The following DPYD variants were observed in gnomAD, a reference collection of about 807,000 sequenced individuals.
DPYD encodes the protein dihydropyrimidine dehydrogenase.
Under a neutral mutation model 116.2 loss-of-function variants are expected in DPYD, and 109 were observed. That is an observed-to-expected ratio of 0.94 (90% CI 0.80 to 1.10). The LOEUF (loss-of-function observed/expected upper bound fraction) is 1.10. DPYD is among the 50% of genes least tolerant of loss of function. The pLI, the probability that DPYD is intolerant of heterozygous loss-of-function variation, is 0.00. For synonymous variants in DPYD, 440 were observed against 432.0 expected (o/e 1.02, Z -0.23); for missense variants, 1,302 against 1,254.5 (o/e 1.04, Z -0.57).
At chr1:97,330,846 G>C (rs1344448252) in intron 16 of DPYD, among the ~76,000 whole-genome samples, 3 of 152,064 alleles carry the variant, frequency 2.0e-5, no homozygotes, top group Non-Finnish European at 4.4e-5. Flanking sequence ...CTCAAAGTTA[G>C]AGATCATGTA....
chr1:97,334,286 T>C (rs1479045965), intron 16 of DPYD, among the ~76,000 whole-genome samples: 1 of 152,220 alleles, frequency 6.6e-6, no homozygotes, highest in Non-Finnish European at 1.5e-5. Flanking sequence ...AGAGTTTTCT[T>C]GCAAGTTATT....
chr1:97,617,733 C>G (rs1656378039), intron 8 of DPYD, among the ~76,000 whole-genome samples: 1 of 152,168 alleles, frequency 6.6e-6, no homozygotes. Context: ...TGCTACCAAG[C>G]AAGGTCTGCA....
intron 2 of DPYD, among the ~76,000 whole-genome samples, chr1:97,845,514 A>G (rs1480606928): frequency 6.6e-6 from 1 of 152,074 alleles, no homozygotes; most frequent in African/African-American, 2.4e-5. Flanking sequence ...GCTAACCACT[A>G]TGGGTCTCTC....
intron 18 of DPYD, among the ~76,000 whole-genome samples, chr1:97,291,086 A>C (rs1462130247): frequency 6.6e-6 from 1 of 152,262 alleles, no homozygotes; most frequent in African/African-American, 2.4e-5. Flanking sequence ...AAATGAAAAA[A>C]TGCTCATCAT....
intron 8 of DPYD, among the ~76,000 whole-genome samples, chr1:97,658,126 G>T (rs1342342464): frequency 2.6e-5 from 4 of 152,118 alleles, no homozygotes; most frequent in African/African-American, 4.8e-5. Context: ...ATCTTGTTTG[G>T]TTATACTAGA....
intron 20 of DPYD, among the ~76,000 whole-genome samples, chr1:97,173,273 T>C (rs550394043): frequency 6.7e-6 from 1 of 149,274 alleles, no homozygotes; most frequent in African/African-American, 2.5e-5. Flanking sequence ...TATGTACATA[T>C]ATATGCACAC....
intron 10 of DPYD, among the ~76,000 whole-genome samples, chr1:97,574,998 T>C (rs1449654871): frequency 6.6e-6 from 1 of 152,148 alleles, no homozygotes; most frequent in Non-Finnish European, 1.5e-5. Flanking sequence ...AATCAAGCCA[T>C]GGGCCCATCT....
rs72977769 is a variant in DPYD, at chr1:97,785,452, G to A, written c.233+42662C>T. Among the ~76,000 whole-genome samples, 1,081 of 152,018 alleles carry A rather than the reference G, an allele frequency of 7.1e-3. 9 individuals are homozygous for A. The highest frequency in any genetic ancestry group is 0.025 in the African/African-American group (1,032 of 41,456). The stretch of plus-strand genomic sequence containing the variant: ...TATTTAAAGTGGTATTTCACAAATG[G>A]AAGAAAATAATTACTTACACACATA... On this transcript the variant is annotated intron_variant, in intron 3 of 22. Coordinates refer to ENST00000370192, the MANE Select transcript of DPYD (RefSeq NM_000110.4).
intron 13 of DPYD, among the ~76,000 whole-genome samples, chr1:97,511,019 T>A (rs1052516780): frequency 6.6e-6 from 1 of 151,884 alleles, no homozygotes; most frequent in African/African-American, 2.4e-5. Context: ...CCAGACACAT[T>A]AGTGGAACAT....
At chr1:97,533,178 C>T (rs71657272) in intron 12 of DPYD, among the ~76,000 whole-genome samples, 8,551 of 151,940 alleles carry the variant, frequency 0.056, 281 homozygotes, top group Middle Eastern at 0.16. Context: ...CTGGGGATTA[C>T]AATTCAACAT....
chr1:97,775,533 T>TA (rs772322499), intron 3 of DPYD, among the ~76,000 whole-genome samples: 88 of 152,310 alleles, frequency 5.8e-4, no homozygotes, highest in Non-Finnish European at 1.1e-3. Flanking sequence ...AAAACTCTTC[T>TA]ATGACATCTC....
chr1:97,101,042 G>A (rs2101600910), intron 20 of DPYD, among the ~76,000 whole-genome samples: 1 of 151,814 alleles, frequency 6.6e-6, no homozygotes, highest in Middle Eastern at 3.4e-3. Flanking sequence ...TTTGTGCATT[G>A]GTTAGAAGAA....
At position 97,580,859 on chromosome 1, in the gene DPYD, T is replaced by C. The variant is rs1380984752; in HGVS notation, c.1129-6889A>G. Among the ~76,000 whole-genome samples, 3 of 152,206 alleles carry C rather than the reference T, an allele frequency of 2.0e-5. No individual in the cohort carries two copies. In the East Asian group the frequency reaches 5.8e-4, roughly 29 times the overall value. On this transcript the variant is annotated intron_variant, in intron 10 of 22. Transcript: ENST00000370192. Reference sequence around the variant, plus strand: ...TTACCTTGATGTTTCCTTTCAGTAATATTTTATCTACTAACCCGCAACCTA... The same window carrying C: ...TTACCTTGATGTTTCCTTTCAGTAACATTTTATCTACTAACCCGCAACCTA...
intron 13 of DPYD, among the ~76,000 whole-genome samples, chr1:97,491,404 C>T (rs1678968515): frequency 6.6e-6 from 1 of 151,768 alleles, no homozygotes; most frequent in South Asian, 2.1e-4. Context: ...ATAGGAGTGG[C>T]TTCACCCTTG....
chr1:97,873,273 T>G (rs1247129956), intron 2 of DPYD, among the ~76,000 whole-genome samples: 2 of 151,998 alleles, frequency 1.3e-5, no homozygotes, highest in Non-Finnish European at 2.9e-5. Context: ...TTATACTATA[T>G]AAGTTTCAAA....
chr1:97,107,554 A>G (rs780452467), intron 20 of DPYD, among the ~76,000 whole-genome samples: 4 of 152,110 alleles, frequency 2.6e-5, no homozygotes, highest in African/African-American at 7.2e-5. Flanking sequence ...CTTCACGAAT[A>G]TATCAGCTTA....
intron 19 of DPYD, among the ~76,000 whole-genome samples, chr1:97,225,538 T>A (rs183901436): frequency 6.7e-6 from 1 of 148,990 alleles, no homozygotes; most frequent in East Asian, 2.0e-4. Context: ...AGATCCTGAG[T>A]AAAAAATTTT....
At chr1:97,384,800 T>C (rs1672222139) in intron 14 of DPYD, among the ~76,000 whole-genome samples, 1 of 151,574 alleles carries the variant, frequency 6.6e-6, no homozygotes, top group Non-Finnish European at 1.5e-5. Flanking sequence ...AGACCATTAG[T>C]CACAAAAAGG....
chr1:97,724,953 AAGAGAGAGAG>A (rs71590231), intron 4 of DPYD, among the ~76,000 whole-genome samples: 2,597 of 118,908 alleles, frequency 0.022, 42 homozygotes, highest in Non-Finnish European at 0.03. Context: ...GAGGGAAGGA[AAGAGAGAGAG>A]AGAGAGAGAG....
Sources: gnomAD v4.1 joint callset for allele counts (sites outside exome capture counted in the v4.1 genomes callset) on GRCh38, gnomAD v4.1.1 for gene constraint, MANE v1.5 for transcripts, NCBI Gene and HGNC (gene_info 2026-07-23, HGNC 2026-07-21) for gene names.